FHIP1A: variants seen among roughly 807,000 people sequenced by gnomAD.
FHIP1A encodes FHF complex subunit HOOK-interacting protein 1A.
Under a neutral mutation model 88.6 loss-of-function variants are expected in FHIP1A, and 61 were observed. That is an observed-to-expected ratio of 0.69 (90% CI 0.56 to 0.85). The LOEUF is 0.85. Ranked by LOEUF, FHIP1A falls within the 40% of genes least tolerant of loss-of-function variation. The pLI is 0.00. For synonymous variants in FHIP1A, 478 were observed against 496.0 expected (o/e 0.96, Z 0.48); for missense variants, 1,154 against 1,273.5 (o/e 0.91, Z 1.43).
chr4:151,621,828 G>T (rs1398375447), intron 7 of FHIP1A, among the ~76,000 whole-genome samples: 2 of 151,636 alleles, frequency 1.3e-5, no homozygotes, highest in Non-Finnish European at 2.9e-5. Flanking sequence ...CACTTTTCGA[G>T]GTTGCCATAA....
chr4:151,565,036 G>T (rs1733328727), intron 3 of FHIP1A, among the ~76,000 whole-genome samples: 1 of 152,088 alleles, frequency 6.6e-6, no homozygotes, highest in Non-Finnish European at 1.5e-5. Flanking sequence ...TGTTCTCCTT[G>T]TAATACCCTT....
chr4:151,566,468 A>G, intron 4 of FHIP1A, 104 bp downstream of exon 4: 2 of 661,168 alleles, frequency 3.0e-6, no homozygotes, highest in East Asian at 3.0e-5. Context: ...CTAGATTGCT[A>G]GAAACACAGG....
chr4:151,417,544 C>T (rs531904719), intron 1 of FHIP1A, among the ~76,000 whole-genome samples: 6 of 152,076 alleles, frequency 3.9e-5, no homozygotes, highest in African/African-American at 9.7e-5. Flanking sequence ...ATCTGTCATG[C>T]GGAACAAGGA....
chr4:151,444,862 C>T (rs2095494400), intron 1 of FHIP1A, among the ~76,000 whole-genome samples: 1 of 152,174 alleles, frequency 6.6e-6, no homozygotes, highest in African/African-American at 2.4e-5. Flanking sequence ...ACTGTATACT[C>T]ATAGAACACT....
At chr4:151,579,718 C>G (rs1161340819) in intron 5 of FHIP1A, among the ~76,000 whole-genome samples, 1 of 152,044 alleles carries the variant, frequency 6.6e-6, no homozygotes, top group East Asian at 1.9e-4. Flanking sequence ...AGCTCTACAG[C>G]TTGTAGATAG....
chr4:151,639,763 C>G (rs920324867), intron 9 of FHIP1A, among the ~76,000 whole-genome samples: 3 of 152,154 alleles, frequency 2.0e-5, no homozygotes, highest in African/African-American at 7.2e-5. Flanking sequence ...ACATGCTCTT[C>G]TGGTGGTGTG....
chr4:151,590,782 C>T (rs1158432424), intron 7 of FHIP1A, among the ~76,000 whole-genome samples: 4 of 152,116 alleles, frequency 2.6e-5, no homozygotes, highest in African/African-American at 4.8e-5. Flanking sequence ...TATGTAATAT[C>T]CTCAGTTGTG....
At chr4:151,604,374 G>A (rs1282591414) in intron 7 of FHIP1A, among the ~76,000 whole-genome samples, 1 of 152,000 alleles carries the variant, frequency 6.6e-6, no homozygotes, top group Non-Finnish European at 1.5e-5. Context: ...TTCCCAAACA[G>A]TGCACCAAGG....
At chr4:151,473,090 G>A (rs1042678410) in intron 2 of FHIP1A, among the ~76,000 whole-genome samples, 10 of 152,138 alleles carry the variant, frequency 6.6e-5, no homozygotes, top group South Asian at 2.1e-4. Context: ...GTTTTTTGTC[G>A]TTGTTGTTGC....
At position 151,539,457 on chromosome 4, in the gene FHIP1A, G is replaced by A. The variant is rs1732191319; in HGVS notation, c.-122-26681G>A. ...TGGGTGCCTCTAATCCCAGCTATTA[G>A]GAAGGCTGGGGCGGGAGAATAGCTT... On this transcript the variant is annotated intron_variant, in intron 3 of 13. Transcript: ENST00000435205. Among the ~76,000 whole-genome samples, 4 of 151,340 alleles carry A rather than the reference G, an allele frequency of 2.6e-5. No homozygotes were observed. In the South Asian group the frequency reaches 6.3e-4, roughly 24 times the overall value.
chr4:151,570,002 C>T (rs1028419339), intron 4 of FHIP1A, among the ~76,000 whole-genome samples: 3 of 152,308 alleles, frequency 2.0e-5, no homozygotes, highest in Non-Finnish European at 4.4e-5. Context: ...TTCCTGTCAC[C>T]TTCTGAGATG....
intron 1 of FHIP1A, among the ~76,000 whole-genome samples, chr4:151,426,122 A>G (rs1355334059): frequency 6.6e-6 from 1 of 152,160 alleles, no homozygotes; most frequent in Non-Finnish European, 1.5e-5. Context: ...GAGAGAGGAA[A>G]TGGAAGATTA....
At chr4:151,557,184 A>G (rs1453498872) in intron 3 of FHIP1A, among the ~76,000 whole-genome samples, 1 of 152,188 alleles carries the variant, frequency 6.6e-6, no homozygotes, top group Non-Finnish European at 1.5e-5. Context: ...ACATAAAAGG[A>G]ACTATCTAGG....
At chr4:151,542,692 A>G (rs1732341473) in intron 3 of FHIP1A, among the ~76,000 whole-genome samples, 1 of 152,158 alleles carries the variant, frequency 6.6e-6, no homozygotes, top group African/African-American at 2.4e-5. Context: ...ACTCGGTTCC[A>G]TGAACTCTGT....
At chr4:151,580,371 T>C (rs1406796101) in intron 5 of FHIP1A, among the ~76,000 whole-genome samples, 1 of 152,250 alleles carries the variant, frequency 6.6e-6, no homozygotes, top group Non-Finnish European at 1.5e-5. Flanking sequence ...TTACAAGCGA[T>C]GCTATGTACT....
intron 3 of FHIP1A, among the ~76,000 whole-genome samples, chr4:151,548,020 A>G (rs1732574162): frequency 1.3e-5 from 2 of 152,108 alleles, no homozygotes. Flanking sequence ...GATCACCTCT[A>G]TTTTACAGAT....
At position 151,669,159 on chromosome 4, in the gene FHIP1A, G is replaced by A. The variant is rs572367586; in HGVS notation, c.*6405G>A. On this transcript the variant is annotated 3_prime_UTR_variant, in exon 14 of 14. Coordinates refer to ENST00000435205, the MANE Select transcript of FHIP1A (RefSeq NM_001109977.3). ...AAACATATCTTTAGAATATCTCATC[G>A]GGTTTCAGTCAGAGCCATGCTTTGG... Among the ~76,000 whole-genome samples, 1 of 152,288 alleles carries A rather than the reference G, an allele frequency of 6.6e-6. No individual in the cohort carries two copies. The highest frequency in any genetic ancestry group is 2.4e-5 in the African/African-American group (1 of 41,568).
chr4:151,538,629 T>C (rs1732157152), intron 3 of FHIP1A, among the ~76,000 whole-genome samples: 2 of 152,244 alleles, frequency 1.3e-5, no homozygotes, highest in Admixed American at 1.3e-4. Flanking sequence ...GGTTGGGTAC[T>C]TCTGCAAAAG....
intron 2 of FHIP1A, among the ~76,000 whole-genome samples, chr4:151,471,319 C>A (rs1303136284): frequency 1.7e-5 from 2 of 120,796 alleles, no homozygotes; most frequent in African/African-American, 6.5e-5. Context: ...CGTATTTTTT[C>A]CAATAAGGAA....
Sources: allele counts gnomAD v4.1 joint callset (sites outside exome capture counted in the v4.1 genomes callset), GRCh38; gene constraint gnomAD v4.1.1; transcripts MANE v1.5; gene names NCBI Gene and HGNC (gene_info 2026-07-23, HGNC 2026-07-21).